Variants in ERI2 observed in about 807,000 individuals in gnomAD.
ERI2 encodes the protein ERI1 exoribonuclease 2.
In ERI2, 35 loss-of-function variants were observed where a neutral mutation model predicts 46.8. The ratio of observed to expected loss-of-function variants is 0.75; its 90% confidence interval spans 0.57 to 0.99. The LOEUF is 0.99. Ranked by LOEUF, ERI2 falls within the 50% of genes least tolerant of loss-of-function variation. ERI2 has a pLI of 0.00. For synonymous variants in ERI2, 224 were observed against 271.0 expected (o/e 0.83, Z 1.70); for missense variants, 695 against 796.2 (o/e 0.87, Z 1.53).
At chr16:20,780,504 G>A in exon 11 of ERI2, 2 of 902,662 alleles carry the variant, frequency 2.2e-6, no homozygotes, top group Non-Finnish European at 3.3e-6. Context: ...ATTATAAATG[G>A]GCCTTTGATG....
intron 10 of ERI2, chr16:20,783,153 G>T (rs2080391138): frequency 6.6e-6 from 1 of 152,128 alleles, no homozygotes; most frequent in Non-Finnish European, 1.5e-5. Context: ...CGCCTCATGA[G>T]AACAAAAGAC....
intron 5 of ERI2, among the ~76,000 whole-genome samples, chr16:20,800,954 A>G (rs1333861420): frequency 6.6e-6 from 1 of 152,216 alleles, no homozygotes; most frequent in African/African-American, 2.4e-5. Context: ...TTAATTCTTA[A>G]CAGTGGAACT....
chr16:20,783,641 C>T lies in ERI2; in HGVS notation c.895-2907G>A, dbSNP rs1178076606. On this transcript the variant is annotated intron_variant, in intron 10 of 10. Coordinates refer to the ERI2 transcript ENST00000300005. ...TTTAATTATCGAATAGGAAATAATT[C>T]ACCTGCCATAAAATTCAAAAGGTAT... 3 of 152,140 alleles carry T rather than the reference C, an allele frequency of 2.0e-5. No homozygotes were observed. In the South Asian group the frequency reaches 6.2e-4, roughly 32 times the overall value. 9.4% of individuals were successfully genotyped at this position (152,140 alleles called of 1,614,324 possible).
At position 20,798,975 on chromosome 16, in the gene ERI2, A is replaced by G. The variant is rs1367366238; in HGVS notation, c.825T>C (p.Gly275=). The stretch of plus-strand genomic sequence containing the variant: ...TAGGCTCCTTATTATATATGCTGGG[A>G]CCCTGGATGCTAATGTTACAGGCAG... The part of the protein sequence containing the change: ...EMSACNISIQ[G]PSIYNKEPKN... Residue 275 remains glycine, a synonymous_variant, in exon 9 of 9, where the codon GGT becomes GGC. Transcript: ENST00000357967. The G allele has an allele frequency of 6.5e-7, 1 of 1,546,832 alleles. No homozygotes were observed. Among genetic ancestry groups the G allele is most frequent in the African/African-American group, 1.4e-5 (1 of 72,870 alleles).
Position 20,806,452 on chromosome 16 carries a change from C to G in ERI2, c.-22G>C. On this transcript the variant is annotated 5_prime_UTR_variant, in exon 1 of 9. Coordinates refer to ENST00000357967, the MANE Select transcript of ERI2 (RefSeq NM_001142725.2). ...CCATTCCCGACACTCCTTGCTTTTC[C>G]AAGTCCAGCTGCCGGAAGTCGCTCG... 6.4e-7 allele frequency: 1 copy of G among 1,552,562 alleles called. No homozygotes were observed. Among genetic ancestry groups the G allele is most frequent in the African/African-American group, 1.4e-5 (1 of 73,294 alleles).
At chr16:20,781,059 T>C (rs747048651) in intron 10 of ERI2, 11 of 1,614,202 alleles carry the variant, frequency 6.8e-6, no homozygotes, top group Non-Finnish European at 9.3e-6. Flanking sequence ...TAGTGTTTTT[T>C]CTCCGTGGAT....
chr16:20,797,084 G>A lies in ERI2; in HGVS notation c.*640C>T, dbSNP rs184270800. The A allele has an allele frequency of 1.2e-5, 17 of 1,425,390 alleles. No homozygotes were observed. Among genetic ancestry groups the A allele is most frequent in the Middle Eastern group, 2.6e-4 (1 of 3,918 alleles). 88.3% of individuals were successfully genotyped at this position (1,425,390 alleles called of 1,614,324 possible). On this transcript the variant is annotated 3_prime_UTR_variant, in exon 9 of 9. Coordinates refer to ENST00000357967, the MANE Select transcript of ERI2 (RefSeq NM_001142725.2). ...AACTGTGGTAGTATGCTTAGAAACT[G>A]TTGATTTAAAATATCTTGTGGTTAT...
In ERI2 at chr16:20,798,859, T is replaced by A; in HGVS notation, c.941A>T (p.Lys314Ile). Residue 314 changes from lysine to isoleucine, a missense_variant, in exon 9 of 9, where the codon AAA (lysine) becomes ATA (isoleucine). Physicochemically the swap from Lys to Ile is moderately radical, Grantham distance 102. Coordinates refer to ENST00000357967, the MANE Select transcript of ERI2 (RefSeq NM_001142725.2). ...IKAQQDQLQV[K>I]NNIKASLHNV... ...GTGAAGACTTGCTTTTATATTGTTT[T>A]TTACTTGTAATTGATCCTGTTGTGC... 12 of 1,550,824 alleles carry A rather than the reference T, an allele frequency of 7.7e-6. No homozygotes were observed. Among genetic ancestry groups the A allele is most frequent in the Non-Finnish European group, 9.6e-6 (11 of 1,146,742 alleles).
chr16:20,781,205 C>G, intron 10 of ERI2: 1 of 1,530,018 alleles, frequency 6.5e-7, no homozygotes, highest in Non-Finnish European at 8.9e-7. Context: ...GTGAATAAAG[C>G]AACTTGCAGA....
chr16:20,796,430 A>T lies in ERI2; in HGVS notation c.*1294T>A. On this transcript the variant is annotated 3_prime_UTR_variant, in exon 9 of 9. Transcript: ENST00000357967. ...CAAGTCACATGATCAAGAACAACTAATAAAGGAGATTCAGGAGCATGTTAA... is the reference window on the plus strand; with the variant it reads ...CAAGTCACATGATCAAGAACAACTATTAAAGGAGATTCAGGAGCATGTTAA... 6.2e-7 allele frequency: 1 copy of T among 1,613,962 alleles called. No homozygotes were observed. Among genetic ancestry groups the T allele is most frequent in the Non-Finnish European group, 8.5e-7 (1 of 1,179,950 alleles).
chr16:20,780,674 C>T (rs770394616), exon 11 of ERI2: 1 of 1,614,170 alleles, frequency 6.2e-7, no homozygotes, highest in East Asian at 2.2e-5. Context: ...GTCTGTGATG[C>T]TGTGTTTAAC....
chr16:20,786,697 T>C (rs899820878), intron 10 of ERI2, among the ~76,000 whole-genome samples: 2 of 152,018 alleles, frequency 1.3e-5, no homozygotes, highest in Non-Finnish European at 1.5e-5. Flanking sequence ...TAAATAAATA[T>C]TAACCCATTG....
rs1169318516 is a variant in ERI2 at position 20,800,404 on chromosome 16, T to G, written c.461-2A>C. On this transcript the variant is annotated splice_acceptor_variant, in intron 5 of 8. Coordinates refer to ENST00000357967, the MANE Select transcript of ERI2 (RefSeq NM_001142725.2). LOFTEE classifies it high-confidence loss of function. ...CCAGGCAAACCCCCAAGTCCCAGTC[T>G]GCATTAGGTACATTAAAATAGAACA... 7 of 1,573,186 alleles carry G rather than the reference T, an allele frequency of 4.4e-6. No homozygotes were observed. Among genetic ancestry groups the G allele is most frequent in the Non-Finnish European group, 3.5e-6 (4 of 1,150,110 alleles).
At position 20,796,363 on chromosome 16, in the gene ERI2, A is replaced by G. The variant is rs13306607; in HGVS notation, c.*1361T>C. ...CATTTTCCTGGTGTTTCAAATATTT[A>G]TTTTAGGTAGTAAAGGCTTTTGTCG... On this transcript the variant is annotated 3_prime_UTR_variant, in exon 9 of 9. Coordinates refer to ENST00000357967, the MANE Select transcript of ERI2 (RefSeq NM_001142725.2). 592 of 1,605,028 alleles carry G rather than the reference A, an allele frequency of 3.7e-4. 4 individuals carry two copies. In the East Asian group the frequency reaches 0.012, roughly 32 times the overall value.
At chr16:20,784,833 G>A (rs927271845) in intron 10 of ERI2, 14 of 667,898 alleles carry the variant, frequency 2.1e-5, no homozygotes, top group Admixed American at 6.6e-5. Flanking sequence ...AGTTGTATAT[G>A]TTTATGGGGT....
chr16:20,805,202 G>T (rs2080845734), intron 1 of ERI2, among the ~76,000 whole-genome samples: 1 of 152,114 alleles, frequency 6.6e-6, no homozygotes, highest in Admixed American at 6.5e-5. Flanking sequence ...GAGGCGGGTG[G>T]ATCACCTGAG....
At chr16:20,801,591 G>A (rs974464971) in intron 4 of ERI2, among the ~76,000 whole-genome samples, 4 of 151,950 alleles carry the variant, frequency 2.6e-5, no homozygotes, top group African/African-American at 9.7e-5. Flanking sequence ...AACCCACCAA[G>A]GTAAGAAAGA....
At position 20,797,478 on chromosome 16, in the gene ERI2, A is replaced by T; in HGVS notation, c.*246T>A. 1 of 1,090,858 alleles carries T rather than the reference A, an allele frequency of 9.2e-7. No homozygotes were observed. Among genetic ancestry groups the T allele is most frequent in the East Asian group, 5.3e-5 (1 of 18,692 alleles). The allele number at this position is 1,090,858 out of a possible 1,614,324, so 67.6% of individuals were successfully genotyped here. ...TTATTAGTCACATTTTTTGCAAATAATTTAAAAATAGTTTAGACTTGTTTC... is the reference window on the plus strand; with the variant it reads ...TTATTAGTCACATTTTTTGCAAATATTTTAAAAATAGTTTAGACTTGTTTC... On this transcript the variant is annotated 3_prime_UTR_variant, in exon 9 of 9. Coordinates refer to ENST00000357967, the MANE Select transcript of ERI2 (RefSeq NM_001142725.2).
intron 10 of ERI2, chr16:20,780,848 T>C: frequency 6.2e-7 from 1 of 1,614,250 alleles, no homozygotes; most frequent in Non-Finnish European, 8.5e-7. Context: ...GGATTATCTG[T>C]AAATGGAAGG....
Sources: gnomAD v4.1 joint callset for allele counts (sites outside exome capture counted in the v4.1 genomes callset) on GRCh38, gnomAD v4.1.1 for gene constraint, MANE v1.5 for transcripts, NCBI Gene and HGNC (gene_info 2026-07-23, HGNC 2026-07-21) for gene names.